The following TFDP1 variants were observed in gnomAD, a reference collection of about 807,000 sequenced individuals.
TFDP1 encodes transcription factor Dp-1, also known as DRTF1-polypeptide 1.
TFDP1 carries 6 observed loss-of-function variants against 48.0 expected under a neutral mutation model. The ratio of observed to expected loss-of-function variants is 0.13; its 90% confidence interval spans 0.07 to 0.25. The LOEUF (loss-of-function observed/expected upper bound fraction) is 0.25. TFDP1 is among the 10% of genes least tolerant of loss of function. The probability of loss-of-function intolerance (pLI) is 1.00; values close to 1 mark genes in which losing one functional copy is unlikely to be tolerated. For synonymous variants in TFDP1, 201 were observed against 211.6 expected, an observed-to-expected ratio of 0.95 and a Z score of 0.44; for missense variants, 335 against 543.0, an observed-to-expected ratio of 0.62 and a Z score of 3.81.
Position 113,611,215 on chromosome 13 carries a change from G to T in TFDP1, c.79+153G>T, listed in dbSNP as rs537717323. Among the ~76,000 whole-genome samples, 5 of 152,356 alleles carry T rather than the reference G, an allele frequency of 3.3e-5. No homozygotes were observed. In the South Asian group the frequency reaches 1.0e-3, roughly 32 times the overall value. ...CGGGAACCCAGGAGGGTGGGCGTAGGAGCCTTCTAGCATTTAGAACACAGC... is the reference window on the plus strand; with the variant it reads ...CGGGAACCCAGGAGGGTGGGCGTAGTAGCCTTCTAGCATTTAGAACACAGC... On this transcript the variant is annotated intron_variant, in intron 3 of 11. Coordinates refer to ENST00000375370, the MANE Select transcript of TFDP1 (RefSeq NM_007111.5).
chr13:113,632,860 G>A (rs1168222544), intron 5 of TFDP1, among the ~76,000 whole-genome samples: 2 of 152,328 alleles, frequency 1.3e-5, no homozygotes, highest in East Asian at 1.9e-4. Flanking sequence ...TCCTGGGGAC[G>A]CCTCCCGTTT....
chr13:113,610,188 C>T (rs1201069936), intron 2 of TFDP1, among the ~76,000 whole-genome samples: 1 of 151,530 alleles, frequency 6.6e-6, no homozygotes, highest in Non-Finnish European at 1.5e-5. Context: ...TGTGCCCCTG[C>T]TGTGTGGCTG....
chr13:113,604,160 C>CAAAA (rs5806996), intron 2 of TFDP1, among the ~76,000 whole-genome samples: 1 of 104,492 alleles, frequency 9.6e-6, no homozygotes, highest in Non-Finnish European at 2.0e-5. Context: ...CAGCCTGTCT[C>CAAAA]AAAAAAAAAA....
chr13:113,619,900 G>A (rs899018384), intron 3 of TFDP1, among the ~76,000 whole-genome samples: 3 of 152,188 alleles, frequency 2.0e-5, no homozygotes, highest in African/African-American at 7.2e-5. Context: ...TTTACCTGCA[G>A]CTGGTGTGGG....
chr13:113,601,168 GC>G (rs2048415725), intron 2 of TFDP1, among the ~76,000 whole-genome samples: 1 of 152,172 alleles, frequency 6.6e-6, no homozygotes, highest in South Asian at 2.1e-4. Context: ...GAAGGGCTGG[GC>G]CTGGCGGTCA....
intron 7 of TFDP1, 146 bp downstream of exon 7, chr13:113,634,179 G>C (rs780044334): frequency 6.9e-6 from 8 of 1,161,224 alleles, no homozygotes; most frequent in Non-Finnish European, 6.3e-6. Context: ...GTCTCCCTGC[G>C]TTTCTCAGTC....
chr13:113,617,027 C>T (rs1368292545), intron 3 of TFDP1, among the ~76,000 whole-genome samples: 1 of 152,158 alleles, frequency 6.6e-6, no homozygotes, highest in African/African-American at 2.4e-5. Flanking sequence ...GGGTAGCCTC[C>T]CAGAGCTTTG....
intron 2 of TFDP1, among the ~76,000 whole-genome samples, chr13:113,604,598 G>A (rs1028682313): frequency 1.3e-5 from 2 of 152,146 alleles, no homozygotes; most frequent in African/African-American, 4.8e-5. Context: ...GCAGGCCAGC[G>A]TGCACCCCTT....
In TFDP1 at chr13:113,629,444, C is replaced by G. The variant is rs190513437; in HGVS notation, c.187-2179C>G. On this transcript the variant is annotated intron_variant, in intron 4 of 11. Coordinates refer to ENST00000375370, the MANE Select transcript of TFDP1 (RefSeq NM_007111.5). ...CTTCCCAACTTACAGTGGGTTTGAC[C>G]TGTGATTTTGACTTTAAGATGGTCC... Among the ~76,000 whole-genome samples, 8 of 152,332 alleles carry G rather than the reference C, an allele frequency of 5.3e-5. No individual in the cohort carries two copies. The East Asian group carries it at 1.2e-3, about 22-fold the overall frequency.
At chr13:113,585,731 C>T (rs904564651) in intron 1 of TFDP1, 43 bp from the exon 2 acceptor site, 3 of 1,212,202 alleles carry the variant, frequency 2.5e-6, no homozygotes, top group African/African-American at 3.1e-5. Context: ...TTCATTCTTA[C>T]TTATTTCTTG....
Position 113,627,942 on chromosome 13 carries a change from TC to T in TFDP1, c.187-3679del, listed in dbSNP as rs2049226714. Reference sequence around the variant, plus strand: ...CTGTGCAGCCAGTGAGGAGGGGAGCTCCTGGGGGAGGAGGGTTGGTCTCGGG... The same window carrying T: ...CTGTGCAGCCAGTGAGGAGGGGAGCTCTGGGGGAGGAGGGTTGGTCTCGGG... On this transcript the variant is annotated intron_variant, in intron 4 of 11. Transcript: ENST00000375370. This position sits in a 1 kb window ranked among gnomAD's most constrained non-coding sequence, Gnocchi z 4.1. Among the ~76,000 whole-genome samples, 1 of 152,056 alleles carries T rather than the reference TC, an allele frequency of 6.6e-6. No homozygotes were observed. The highest frequency in any genetic ancestry group is 2.4e-5 in the African/African-American group (1 of 41,418).
At chr13:113,622,790 C>G (rs2049026909) in intron 3 of TFDP1, among the ~76,000 whole-genome samples, 1 of 152,238 alleles carries the variant, frequency 6.6e-6, no homozygotes, top group African/African-American at 2.4e-5. Flanking sequence ...GATTTCCAAA[C>G]TAGTTTTGCA....
chr13:113,632,742 C>T (rs2049370649), intron 5 of TFDP1, among the ~76,000 whole-genome samples: 1 of 152,214 alleles, frequency 6.6e-6, no homozygotes, highest in African/African-American at 2.4e-5. Context: ...GGCGCCACCG[C>T]ACTCCAGCCC....
chr13:113,634,227 C>T, intron 7 of TFDP1, 194 bp downstream of exon 7: 1 of 785,594 alleles, frequency 1.3e-6, no homozygotes, highest in Admixed American at 2.0e-5. Context: ...GGCCCAGACC[C>T]ACTAGAGTCT....
chr13:113,606,904 G>A (rs773156358), intron 2 of TFDP1, among the ~76,000 whole-genome samples: 1 of 152,146 alleles, frequency 6.6e-6, no homozygotes, highest in Non-Finnish European at 1.5e-5. Context: ...TTCCTTTTAG[G>A]TTGGATTTCC....
intron 3 of TFDP1, among the ~76,000 whole-genome samples, chr13:113,617,059 G>C: frequency 6.6e-6 from 1 of 152,188 alleles, no homozygotes; most frequent in East Asian, 1.9e-4. Context: ...AGAGAGGTTT[G>C]TGGGAGTGAC....
At chr13:113,621,817 C>T (rs999778935) in intron 3 of TFDP1, among the ~76,000 whole-genome samples, 5 of 152,186 alleles carry the variant, frequency 3.3e-5, no homozygotes, top group African/African-American at 7.2e-5. Context: ...TCTGTTCCTC[C>T]ACCTCTTGTG....
At chr13:113,635,915 C>A in intron 8 of TFDP1, 62 bp from the exon 9 acceptor site, 1 of 1,564,530 alleles carries the variant, frequency 6.4e-7, no homozygotes, top group South Asian at 1.2e-5. Context: ...GAGGACCCCT[C>A]GAGCACAGGG....
intron 10 of TFDP1, among the ~76,000 whole-genome samples, chr13:113,636,936 G>C (rs777664212): frequency 6.6e-6 from 1 of 152,144 alleles, no homozygotes; most frequent in Non-Finnish European, 1.5e-5. Context: ...CAGGTGGCTC[G>C]TGTGGATTTC....
Sources: gnomAD v4.1 joint callset for allele counts (sites outside exome capture counted in the v4.1 genomes callset) on GRCh38, gnomAD v4.1.1 for gene constraint, Gnocchi (gnomAD v3.1) non-coding constraint, MANE v1.5 for transcripts, NCBI Gene and HGNC (gene_info 2026-07-23, HGNC 2026-07-21) for gene names.